Variants in RCSD1 observed in about 807,000 individuals in gnomAD.
RCSD1 encodes the protein capZ-interacting protein.
RCSD1 carries 26 observed loss-of-function variants against 42.5 expected under a neutral mutation model. That is an observed-to-expected ratio of 0.61 (90% CI 0.45 to 0.85). The LOEUF (loss-of-function observed/expected upper bound fraction) is 0.85, where lower values mean the gene tolerates loss of function less well. RCSD1 is among the 40% of genes least tolerant of loss of function. The pLI is 0.00. For synonymous variants in RCSD1, 220 were observed against 212.2 expected (o/e 1.04, Z -0.32); for missense variants, 571 against 528.3 (o/e 1.08, Z -0.79).
intron 1 of RCSD1, among the ~76,000 whole-genome samples, chr1:167,654,958 G>C (rs1658390005): frequency 6.6e-6 from 1 of 152,086 alleles, no homozygotes; most frequent in African/African-American, 2.4e-5. Flanking sequence ...GTTCAGCTGG[G>C]TCCTGCAGAC....
chr1:167,701,314 T>TTC (rs1052389905), intron 6 of RCSD1, among the ~76,000 whole-genome samples: 2 of 148,496 alleles, frequency 1.3e-5, no homozygotes, highest in African/African-American at 5.1e-5. Context: ...CTTTCTTTCT[T>TTC]TCTTTTTTTT....
chr1:167,685,969 T>A (rs1558089547), intron 3 of RCSD1, among the ~76,000 whole-genome samples: 1 of 152,174 alleles, frequency 6.6e-6, no homozygotes, highest in Admixed American at 6.5e-5. Context: ...TTGTAAAGCC[T>A]GGCTATTGTT....
intron 6 of RCSD1, among the ~76,000 whole-genome samples, chr1:167,701,259 T>TCTTTCTTC (rs1659632187): frequency 9.0e-6 from 1 of 111,084 alleles, no homozygotes; most frequent in East Asian, 2.3e-4. Flanking sequence ...CTAGTTTCTT[T>TCTTTCTTC]CTTTCTTTCT....
chr1:167,689,445 G>T (rs1347508547), intron 3 of RCSD1, among the ~76,000 whole-genome samples: 1 of 146,784 alleles, frequency 6.8e-6, no homozygotes, highest in Non-Finnish European at 1.5e-5. Flanking sequence ...TTGCGCCATT[G>T]CACTCCAGAT....
rs1658870341 is a variant in RCSD1 at position 167,673,808 on chromosome 1, C to T, written c.7-10092C>T. On this transcript the variant is annotated intron_variant, in intron 1 of 6. Coordinates refer to ENST00000367854, the MANE Select transcript of RCSD1 (RefSeq NM_052862.4). The stretch of plus-strand genomic sequence containing the variant: ...TTGCGTGTACCAGCCAGCCCCTGTG[C>T]CTACAACATGCCTTCCTCCTTCTCC... 2.0e-5 allele frequency among the ~76,000 whole-genome samples: 3 copies of T among 152,168 alleles called. No homozygotes were observed. The South Asian group carries it at 6.2e-4, about 31-fold the overall frequency.
At chr1:167,647,130 C>CAAAAAAAA (rs5778560) in intron 1 of RCSD1, among the ~76,000 whole-genome samples, 5 of 112,564 alleles carry the variant, frequency 4.4e-5, no homozygotes, top group Non-Finnish European at 3.5e-5. Context: ...AACTCCATCT[C>CAAAAAAAA]AAAAAAAAAG....
intron 1 of RCSD1, among the ~76,000 whole-genome samples, chr1:167,654,515 T>C (rs1421418768): frequency 1.3e-5 from 2 of 152,212 alleles, no homozygotes; most frequent in Non-Finnish European, 2.9e-5. Flanking sequence ...TTCAGAGGCA[T>C]TCCTGTAGCC....
At chr1:167,650,608 G>T (rs1658277269) in intron 1 of RCSD1, among the ~76,000 whole-genome samples, 1 of 152,202 alleles carries the variant, frequency 6.6e-6, no homozygotes, top group Non-Finnish European at 1.5e-5. Flanking sequence ...CTTCAGCCAA[G>T]ATCTCTGTTC....
At chr1:167,693,311 A>G (rs1161636427) in intron 4 of RCSD1, among the ~76,000 whole-genome samples, 6 of 152,110 alleles carry the variant, frequency 3.9e-5, no homozygotes, top group Admixed American at 2.6e-4. Flanking sequence ...CGTTCTCCCC[A>G]TGGACGCCTT....
intron 1 of RCSD1, among the ~76,000 whole-genome samples, chr1:167,633,425 C>T (rs960296228): frequency 2.0e-5 from 3 of 152,130 alleles, no homozygotes; most frequent in Non-Finnish European, 4.4e-5. Context: ...GGAGAACATG[C>T]CAGCTTTGTC....
At chr1:167,656,569 C>T (rs1298540605) in intron 1 of RCSD1, among the ~76,000 whole-genome samples, 3 of 152,096 alleles carry the variant, frequency 2.0e-5, no homozygotes, top group Non-Finnish European at 4.4e-5. Context: ...TGACACTGGG[C>T]CTTGAATGAT....
intron 1 of RCSD1, among the ~76,000 whole-genome samples, chr1:167,673,841 C>A (rs753258895): frequency 6.6e-6 from 1 of 152,214 alleles, no homozygotes; most frequent in African/African-American, 2.4e-5. Context: ...TCCCCTCATG[C>A]CCACCTTCTC....
intron 1 of RCSD1, among the ~76,000 whole-genome samples, chr1:167,668,188 G>T (rs928960277): frequency 6.6e-6 from 1 of 151,998 alleles, no homozygotes; most frequent in Non-Finnish European, 1.5e-5. Context: ...GGGAGGCTGC[G>T]GCAGGAGAAT....
intron 1 of RCSD1, among the ~76,000 whole-genome samples, chr1:167,666,670 GA>G (rs1407011131): frequency 1.3e-5 from 2 of 152,218 alleles, no homozygotes; most frequent in East Asian, 3.8e-4. Context: ...GCATCCAGAG[GA>G]AAGGGTGGGT....
intron 1 of RCSD1, among the ~76,000 whole-genome samples, chr1:167,660,765 T>C: frequency 6.6e-6 from 1 of 152,170 alleles, no homozygotes; most frequent in Non-Finnish European, 1.5e-5. Context: ...TGAGCCGCCG[T>C]GCCCAGCTTT....
chr1:167,675,601 T>A (rs1658932586), intron 1 of RCSD1, among the ~76,000 whole-genome samples: 1 of 152,168 alleles, frequency 6.6e-6, no homozygotes, highest in East Asian at 1.9e-4. Flanking sequence ...CTGTTTGACT[T>A]GACCCAGAGC....
chr1:167,703,359 A>G (rs1001368602), intron 6 of RCSD1, among the ~76,000 whole-genome samples: 1 of 152,134 alleles, frequency 6.6e-6, no homozygotes, highest in Non-Finnish European at 1.5e-5. Flanking sequence ...AGCTCAATCA[A>G]TAATGGAATT....
intron 4 of RCSD1, among the ~76,000 whole-genome samples, chr1:167,692,644 C>T (rs1340851590): frequency 6.6e-6 from 1 of 152,112 alleles, no homozygotes; most frequent in Non-Finnish European, 1.5e-5. Flanking sequence ...TACAGGCACA[C>T]ACCACTGCAC....
At chr1:167,634,211 T>C (rs1447272327) in intron 1 of RCSD1, among the ~76,000 whole-genome samples, 1 of 152,190 alleles carries the variant, frequency 6.6e-6, no homozygotes, top group African/African-American at 2.4e-5. Context: ...AGCACTTTGT[T>C]CAAGCCACTA....
Sources: gnomAD v4.1 joint callset for allele counts (sites outside exome capture counted in the v4.1 genomes callset) on GRCh38, gnomAD v4.1.1 for gene constraint, MANE v1.5 for transcripts, NCBI Gene and HGNC (gene_info 2026-07-23, HGNC 2026-07-21) for gene names.